The following USB1 variants were observed in gnomAD, a reference collection of about 807,000 sequenced individuals.
USB1 encodes the protein U6 snRNA phosphodiesterase 1.
In USB1, 21 loss-of-function variants were observed where a neutral mutation model predicts 29.9. That is an observed-to-expected ratio of 0.70 (90% CI 0.50 to 1.01). The LOEUF is 1.01. Ranked by LOEUF, USB1 falls within the 50% of genes least tolerant of loss-of-function variation. The probability of loss-of-function intolerance (pLI) is 0.00; values close to 1 mark genes in which losing one functional copy is unlikely to be tolerated. For missense variants in USB1, 330 were observed against 347.1 expected (o/e 0.95, Z 0.39); for synonymous variants, 143 against 134.9 (o/e 1.06, Z -0.42).
intron 3 of USB1, chr16:58,014,007 T>A (rs1400867485): frequency 6.8e-6 from 3 of 442,590 alleles, no homozygotes; most frequent in African/African-American, 5.9e-5. Flanking sequence ...TAGTCTCAAA[T>A]TGTTTATCGA....
chr16:58,008,720 T>C (rs898730389), intron 2 of USB1, among the ~76,000 whole-genome samples: 2 of 151,778 alleles, frequency 1.3e-5, no homozygotes, highest in Non-Finnish European at 2.9e-5. Context: ...CCCAAAGTGC[T>C]GGAATTACAG....
upstream of USB1, among the ~76,000 whole-genome samples, chr16:58,000,678 G>A (rs1400133384): frequency 1.3e-5 from 2 of 149,658 alleles, no homozygotes; most frequent in African/African-American, 4.9e-5. This position sits in a 1 kb window ranked among gnomAD's most constrained non-coding sequence, Gnocchi z 4.5. Context: ...CGGGCGGACG[G>A]GCGGGCGGCG....
intron 4 of USB1, 75 bp downstream of exon 4, chr16:58,014,401 C>CTTGT (rs1441316258): frequency 1.5e-6 from 2 of 1,308,590 alleles, no homozygotes; most frequent in Non-Finnish European, 2.2e-6. Flanking sequence ...TGTTTCTGGA[C>CTTGT]TTGTTTGTCC....
At chr16:58,019,158 A>T (rs1309363090) in intron 6 of USB1, 103 bp downstream of exon 6, 1 of 1,207,202 alleles carries the variant, frequency 8.3e-7, no homozygotes, top group Non-Finnish European at 1.2e-6. Context: ...AATCCCTGGG[A>T]AACAAATGAC....
At position 58,014,065 on chromosome 16, in the gene USB1, T is replaced by C. The variant is rs1963557806; in HGVS notation, c.450-208T>C. The C allele has an allele frequency of 1.1e-5, 6 of 571,192 alleles. No homozygotes were observed. In the South Asian group the frequency reaches 1.1e-4, roughly 10 times the overall value. The allele number at this position is 571,192 out of a possible 1,614,324, so 35.4% of individuals were successfully genotyped here. Reference sequence around the variant, plus strand: ...AAAATTTTTACTAGCACCTGGATGATGTTGTGTGTTACTCGGGCTGGGTGA... The same window carrying C: ...AAAATTTTTACTAGCACCTGGATGACGTTGTGTGTTACTCGGGCTGGGTGA... On this transcript the variant is annotated intron_variant, in intron 3 of 6. Transcript: ENST00000219281.
At chr16:58,012,059 TTC>T in intron 3 of USB1, 1 of 1,300,416 alleles carries the variant, frequency 7.7e-7, no homozygotes, top group Non-Finnish European at 9.7e-7. Context: ...ATAAACAGTC[TTC>T]TAGCCAAAGC....
chr16:58,020,649 C>T lies in USB1; in HGVS notation c.*404C>T, dbSNP rs897774402. Reference sequence around the variant, plus strand: ...CTCTCTTCCTCTCCTCTCTCTCTTCCTCTCCTCTCTCTTCCCTTCCTGTCT... The same window carrying T: ...CTCTCTTCCTCTCCTCTCTCTCTTCTTCTCCTCTCTCTTCCCTTCCTGTCT... On this transcript the variant is annotated 3_prime_UTR_variant, in exon 7 of 7. Coordinates refer to ENST00000219281, the MANE Select transcript of USB1 (RefSeq NM_024598.4). 3.4e-6 allele frequency: 1 copy of T among 296,592 alleles called. No individual in the cohort carries two copies. The highest frequency in any genetic ancestry group is 6.5e-6 in the Non-Finnish European group (1 of 154,042). The allele number at this position is 296,592 out of a possible 1,614,324, so 18.4% of individuals were successfully genotyped here.
chr16:58,019,105 A>C (rs751089327), intron 6 of USB1, 50 bp downstream of exon 6: 26 of 1,585,942 alleles, frequency 1.6e-5, no homozygotes, highest in Non-Finnish European at 2.2e-5. Context: ...CAGAAATGAC[A>C]GGACAGATGC....
At chr16:58,001,902 G>T (rs142276022) in intron 1 of USB1, among the ~76,000 whole-genome samples, 28 of 152,294 alleles carry the variant, frequency 1.8e-4, no homozygotes, top group African/African-American at 6.7e-4. Flanking sequence ...ATACAATTGC[G>T]ATAGTAATAC....
chr16:58,014,342 C>G lies in USB1; in HGVS notation c.503+16C>G, dbSNP rs750236643. ...AGAAAACCAGGTGGGTCCTCCCAACCCCCAATCACCATCAGAGGAAGATTC... is the reference window on the plus strand; with the variant it reads ...AGAAAACCAGGTGGGTCCTCCCAACGCCCAATCACCATCAGAGGAAGATTC... On this transcript the variant is annotated intron_variant, in intron 4 of 6. Transcript: ENST00000219281. The G allele has an allele frequency of 1.2e-6, 2 of 1,605,604 alleles. No individual in the cohort carries two copies. Among genetic ancestry groups the G allele is most frequent in the East Asian group, 2.2e-5 (1 of 44,850 alleles).
At chr16:58,004,679 A>G (rs1037979006) in intron 2 of USB1, among the ~76,000 whole-genome samples, 1 of 152,226 alleles carries the variant, frequency 6.6e-6, no homozygotes, top group Non-Finnish European at 1.5e-5. Context: ...TTGAATCTGT[A>G]GATCAAATTG....
Position 58,013,501 on chromosome 16 carries a change from A to T in USB1, c.450-772A>T, listed in dbSNP as rs1282016591. On this transcript the variant is annotated intron_variant, in intron 3 of 6. Coordinates refer to ENST00000219281, the MANE Select transcript of USB1 (RefSeq NM_024598.4). This position sits in a 1 kb window ranked among gnomAD's most constrained non-coding sequence, Gnocchi z 4.3. Reference sequence around the variant, plus strand: ...ATCTGTTTCTGTGAGGAGACTTTCCATGGTGAGATTGCTAGTGTCTCAGAG... The same window carrying T: ...ATCTGTTTCTGTGAGGAGACTTTCCTTGGTGAGATTGCTAGTGTCTCAGAG... 8 of 982,938 alleles carry T rather than the reference A, an allele frequency of 8.1e-6. No individual in the cohort carries two copies. Among genetic ancestry groups the T allele is most frequent in the Non-Finnish European group, 9.6e-6 (8 of 829,876 alleles). 60.9% of individuals were successfully genotyped at this position (982,938 alleles called of 1,614,324 possible). A position where few individuals can be genotyped will look rare whatever the true frequency, so the allele number is the denominator to read the frequency against.
chr16:58,017,112 G>A (rs1019544470), intron 4 of USB1: 14 of 573,126 alleles, frequency 2.4e-5, no homozygotes, highest in African/African-American at 2.2e-4. Flanking sequence ...CCAGAGAAGG[G>A]AGGAGAGCTG....
At chr16:58,011,019 C>T (rs1301601814) in intron 3 of USB1, 7 of 711,162 alleles carry the variant, frequency 9.8e-6, no homozygotes, top group Non-Finnish European at 1.8e-5. Flanking sequence ...TGTGATCAGC[C>T]CCCATCCAGG....
At chr16:58,002,334 G>A (rs771111313) in intron 1 of USB1, 145 bp from the exon 2 acceptor site, 58 of 1,291,170 alleles carry the variant, frequency 4.5e-5, no homozygotes, top group Non-Finnish European at 6.1e-5. Flanking sequence ...AAACAATTTC[G>A]CTATCTAGAA....
At position 58,012,417 on chromosome 16, in the gene USB1, G is replaced by A. The variant is rs1300568274; in HGVS notation, c.450-1856G>A. ...ACTAAAAGATTCAGAGGTAGCACTG[G>A]CTCATGCATGAGTGGACCGGGGTGA... is the stretch of plus-strand genomic sequence containing the variant. On this transcript the variant is annotated intron_variant, in intron 3 of 6. Coordinates refer to ENST00000219281, the MANE Select transcript of USB1 (RefSeq NM_024598.4). 3 of 1,347,342 alleles carry A rather than the reference G, an allele frequency of 2.2e-6. No individual in the cohort carries two copies. In the East Asian group the frequency reaches 7.5e-5, roughly 34 times the overall value. 83.5% of individuals were successfully genotyped at this position (1,347,342 alleles called of 1,614,324 possible). A position where few individuals can be genotyped will look rare whatever the true frequency, so the allele number is the denominator to read the frequency against.
At chr16:58,008,174 T>C (rs1963405757) in intron 2 of USB1, among the ~76,000 whole-genome samples, 1 of 152,232 alleles carries the variant, frequency 6.6e-6, no homozygotes, top group Admixed American at 6.5e-5. Flanking sequence ...GGATCTGTAA[T>C]GATGTCCCAT....
rs571380832 is a variant in USB1 at position 58,017,275 on chromosome 16, G to C, written c.504-59G>C. Reference sequence around the variant, plus strand: ...TTCTGCCTGGCTCCTGCTCGGCTGCGCAGATGGCTGTGTTCTCAGAGGCTA... The same window carrying C: ...TTCTGCCTGGCTCCTGCTCGGCTGCCCAGATGGCTGTGTTCTCAGAGGCTA... On this transcript the variant is annotated intron_variant, in intron 4 of 6. Transcript: ENST00000219281. The C allele has an allele frequency of 8.3e-5, 126 of 1,518,760 alleles. No individual in the cohort carries two copies. The South Asian group carries it at 1.3e-3, about 16-fold the overall frequency. The allele number at this position is 1,518,760 out of a possible 1,614,324, so 94.1% of individuals were successfully genotyped here. A position where few individuals can be genotyped will look rare whatever the true frequency, so the allele number is the denominator to read the frequency against.
In USB1 at chr16:58,014,273, ATTC is replaced by A. The variant is rs755973489; in HGVS notation, c.456_458del (p.Phe153del). 6.2e-7 allele frequency: 1 copy of A among 1,612,878 alleles called. No individual in the cohort carries two copies. The highest frequency in any genetic ancestry group is 1.1e-5 in the South Asian group (1 of 90,774). ...TGAAATATGGTCTTCTAAATTTCAG[ATTC>A]TTCTTTACTGCCAACCAGGTAAAGA... On this transcript the variant is annotated inframe_deletion and splice_region_variant, in exon 4 of 7. Coordinates refer to ENST00000219281, the MANE Select transcript of USB1 (RefSeq NM_024598.4).
Sources: allele counts gnomAD v4.1 joint callset (sites outside exome capture counted in the v4.1 genomes callset), GRCh38; gene constraint gnomAD v4.1.1; non-coding constraint Gnocchi (gnomAD v3.1); transcripts MANE v1.5; gene names NCBI Gene and HGNC (gene_info 2026-07-23, HGNC 2026-07-21).